ATXN10: variants seen among roughly 807,000 people sequenced by gnomAD.
ATXN10 encodes ataxin-10.
Under a neutral mutation model 52.9 loss-of-function variants are expected in ATXN10, and 28 were observed. The observed-to-expected ratio is 0.53, with a 90% confidence interval of 0.39 to 0.73. ATXN10 has a LOEUF of 0.73. Ranked by LOEUF, ATXN10 falls within the 30% of genes least tolerant of loss-of-function variation. The probability of loss-of-function intolerance (pLI) is 0.00; values close to 1 mark genes in which losing one functional copy is unlikely to be tolerated. For synonymous variants in ATXN10, 226 were observed against 221.5 expected (o/e 1.02, Z -0.18); for missense variants, 565 against 577.0 (o/e 0.98, Z 0.21).
Position 45,715,720 on chromosome 22 carries a change from T to TG in ATXN10, c.648-2693_648-2692insG, listed in dbSNP as rs990740042. Among the ~76,000 whole-genome samples the TG allele has an allele frequency of 5.3e-5, 8 of 152,188 alleles. No individual in the cohort carries two copies. The highest frequency in any genetic ancestry group is 1.9e-4 in the African/African-American group (8 of 41,450). On this transcript the variant is annotated intron_variant, in intron 5 of 11. Transcript: ENST00000252934. The surrounding 1 kb of genome is among the most constrained non-coding windows in gnomAD (Gnocchi z 4.4). ...TATTTATAGACCTTCCCTTAGTACTTCCAAACTCCACTTTCTTTTCACCTG... is the reference window on the plus strand; with the variant it reads ...TATTTATAGACCTTCCCTTAGTACTTGCCAAACTCCACTTTCTTTTCACCTG...
chr22:45,798,963 T>A (rs778888840), intron 9 of ATXN10, among the ~76,000 whole-genome samples: 1 of 152,222 alleles, frequency 6.6e-6, no homozygotes, highest in African/African-American at 2.4e-5. Flanking sequence ...AAAACATTGC[T>A]GAGAGAAGTT....
rs149705220 is a variant in ATXN10, at chr22:45,688,069, T to C, written c.117-1643T>C. Among the ~76,000 whole-genome samples, 158 of 151,754 alleles carry C rather than the reference T, an allele frequency of 1.0e-3. 1 individual carries two copies. The highest frequency in any genetic ancestry group is 3.7e-3 in the African/African-American group (155 of 41,370). On this transcript the variant is annotated intron_variant, in intron 1 of 11. Transcript: ENST00000252934. This position sits in a 1 kb window ranked among gnomAD's most constrained non-coding sequence, Gnocchi z 4.0. ...CAAAACTCCGTCTCAAAAAAAAGAG[T>C]GTTAGTGAGTATTCTTCCATTCTTC...
chr22:45,755,388 A>C (rs1270224101), intron 9 of ATXN10, among the ~76,000 whole-genome samples: 1 of 152,206 alleles, frequency 6.6e-6, no homozygotes, highest in East Asian at 1.9e-4. Context: ...ATTTCTAATC[A>C]TAACAAACTC....
intron 9 of ATXN10, among the ~76,000 whole-genome samples, chr22:45,751,762 AAAATAATAAT>A (rs1569049645): frequency 0.014 from 827 of 58,796 alleles, 7 homozygotes; most frequent in African/African-American, 0.059. Flanking sequence ...AAATAAAAAA[AAAATAATAAT>A]AATAATAATA....
chr22:45,755,403 TA>T (rs1345856730), intron 9 of ATXN10, among the ~76,000 whole-genome samples: 5 of 152,302 alleles, frequency 3.3e-5, no homozygotes, highest in Admixed American at 1.3e-4. Context: ...AAACTCTGAT[TA>T]GGGGGCCTCA....
chr22:45,705,184 A>G lies in ATXN10; in HGVS notation c.647+2337A>G, dbSNP rs1183402491. ...TTCATATTTTGTTGGGGATTTTTGA[A>G]TCTATATTCATAAGGCATATTGGTT... On this transcript the variant is annotated intron_variant, in intron 5 of 11. Transcript: ENST00000252934. This position sits in a 1 kb window ranked among gnomAD's most constrained non-coding sequence, Gnocchi z 5.2. Among the ~76,000 whole-genome samples, 1 of 151,948 alleles carries G rather than the reference A, an allele frequency of 6.6e-6. No homozygotes were observed. The highest frequency in any genetic ancestry group is 2.4e-5 in the African/African-American group (1 of 41,382).
chr22:45,682,066 C>T (rs965033854), intron 1 of ATXN10, among the ~76,000 whole-genome samples: 2 of 152,116 alleles, frequency 1.3e-5, no homozygotes, highest in African/African-American at 4.8e-5. Flanking sequence ...TTCTCTCCCC[C>T]CTTAAAAATC....
Position 45,718,293 on chromosome 22 carries a change from A to C in ATXN10, c.648-120A>C. The C allele has an allele frequency of 1.2e-6, 1 of 825,972 alleles. No individual in the cohort carries two copies. The highest frequency in any genetic ancestry group is 1.7e-5 in the African/African-American group (1 of 59,374). 51.2% of individuals were successfully genotyped at this position (825,972 alleles called of 1,614,324 possible). A position where few individuals can be genotyped will look rare whatever the true frequency, so the allele number is the denominator to read the frequency against. ...TTTTAAGACATTTAAGATTACAGCA[A>C]ATCAAAAATTCACTGAAAAGAAATG... On this transcript the variant is annotated intron_variant, in intron 5 of 11. Coordinates refer to ENST00000252934, the MANE Select transcript of ATXN10 (RefSeq NM_013236.4). The surrounding 1 kb of genome is among the most constrained non-coding windows in gnomAD (Gnocchi z 4.4).
intron 1 of ATXN10, among the ~76,000 whole-genome samples, chr22:45,686,647 G>A (rs1298084536): frequency 6.6e-6 from 1 of 152,036 alleles, no homozygotes; most frequent in East Asian, 1.9e-4. Context: ...GTGAAACCCT[G>A]TCTCTACTAA....
intron 3 of ATXN10, 141 bp from the exon 4 acceptor site, chr22:45,700,141 A>G: frequency 1.5e-6 from 1 of 650,890 alleles, no homozygotes. Context: ...CCCAAAGTGA[A>G]CTTGTGGAGA....
chr22:45,776,763 T>C (rs1247909697), intron 9 of ATXN10, among the ~76,000 whole-genome samples: 1 of 152,256 alleles, frequency 6.6e-6, no homozygotes, highest in Non-Finnish European at 1.5e-5. Flanking sequence ...ACGTGATGCT[T>C]GGTATATGAA....
intron 6 of ATXN10, among the ~76,000 whole-genome samples, chr22:45,724,486 A>G (rs1436263927): frequency 2.6e-5 from 4 of 152,072 alleles, no homozygotes. Flanking sequence ...ATGTCTATTC[A>G]TGTCATTTGC....
chr22:45,806,425 A>T (rs568421432), intron 9 of ATXN10, among the ~76,000 whole-genome samples: 1 of 152,322 alleles, frequency 6.6e-6, no homozygotes, highest in Non-Finnish European at 1.5e-5. Flanking sequence ...AGTTCTTTAT[A>T]TATTAAAATA....
In ATXN10 at chr22:45,802,399, A is replaced by G. The variant is rs78826651; in HGVS notation, c.1174-4560A>G. ...CAACATTAGCTTGACACTTGTAGTT[A>G]TAGCAGTAAACTTGGACTTTGTAAA... On this transcript the variant is annotated intron_variant, in intron 9 of 11. Transcript: ENST00000252934. Among the ~76,000 whole-genome samples the G allele has an allele frequency of 7.6e-3, 1,165 of 152,344 alleles. 19 individuals carry two copies. Among genetic ancestry groups the G allele is most frequent in the African/African-American group, 0.027 (1,113 of 41,584 alleles).
chr22:45,834,731 G>A (rs1929108474), intron 10 of ATXN10, among the ~76,000 whole-genome samples: 1 of 152,152 alleles, frequency 6.6e-6, no homozygotes, highest in African/African-American at 2.4e-5. Flanking sequence ...AGTAAGATAG[G>A]AGTCTGAGCA....
intron 9 of ATXN10, among the ~76,000 whole-genome samples, chr22:45,800,066 A>G (rs1486497061): frequency 2.0e-5 from 3 of 152,234 alleles, no homozygotes; most frequent in Non-Finnish European, 4.4e-5. Flanking sequence ...GGATATATTG[A>G]AGTAGGCCAG....
In ATXN10 at chr22:45,835,956, C is replaced by T. The variant is rs911639129; in HGVS notation, c.1238-7035C>T. 4.6e-5 allele frequency among the ~76,000 whole-genome samples: 7 copies of T among 151,966 alleles called. No individual in the cohort carries two copies. Among genetic ancestry groups the T allele is most frequent in the African/African-American group, 1.7e-4 (7 of 41,342 alleles). ...AATGCTATTAAGGCATAACAGGCTA[C>T]GAAACATAGAACAGTACATACAGCA... On this transcript the variant is annotated intron_variant, in intron 10 of 11. Transcript: ENST00000252934. This position sits in a 1 kb window ranked among gnomAD's most constrained non-coding sequence, Gnocchi z 5.0.
intron 9 of ATXN10, among the ~76,000 whole-genome samples, chr22:45,767,642 A>T (rs1422148563): frequency 6.6e-6 from 1 of 152,166 alleles, no homozygotes; most frequent in Non-Finnish European, 1.5e-5. Context: ...CTTAATTAAA[A>T]ATTAAAAAGG....
At chr22:45,785,634 A>G (rs1927297898) in intron 9 of ATXN10, among the ~76,000 whole-genome samples, 1 of 152,258 alleles carries the variant, frequency 6.6e-6, no homozygotes, top group Non-Finnish European at 1.5e-5. Context: ...TCATGAGGCC[A>G]GAATGACTCA....
Sources: gnomAD v4.1 joint callset for allele counts (sites outside exome capture counted in the v4.1 genomes callset) on GRCh38, gnomAD v4.1.1 for gene constraint, Gnocchi (gnomAD v3.1) non-coding constraint, MANE v1.5 for transcripts, NCBI Gene and HGNC (gene_info 2026-07-23, HGNC 2026-07-21) for gene names.